Variants in KIF11 observed in about 807,000 individuals in gnomAD.
The protein encoded by KIF11 is kinesin-like protein KIF11.
Under a neutral mutation model 121.0 loss-of-function variants are expected in KIF11, and 9 were observed. That is an observed-to-expected ratio of 0.07 (90% CI 0.04 to 0.13). The LOEUF (loss-of-function observed/expected upper bound fraction) is 0.13. Ranked by LOEUF, KIF11 falls within the 10% of genes least tolerant of loss-of-function variation. The probability of loss-of-function intolerance (pLI) is 1.00; values close to 1 mark genes in which losing one functional copy is unlikely to be tolerated. For missense variants in KIF11, 846 were observed against 1,217.5 expected (o/e 0.69, Z 4.54); for synonymous variants, 408 against 421.0 (o/e 0.97, Z 0.38).
At chr10:92,637,906 A>G (rs1194036123) in intron 16 of KIF11, among the ~76,000 whole-genome samples, 2 of 152,200 alleles carry the variant, frequency 1.3e-5, no homozygotes, top group African/African-American at 2.4e-5. Flanking sequence ...CTAGGATGGC[A>G]TGGATAGTTG....
At chr10:92,641,065 T>C (rs1200540808) in intron 17 of KIF11, among the ~76,000 whole-genome samples, 2 of 152,210 alleles carry the variant, frequency 1.3e-5, no homozygotes, top group East Asian at 3.8e-4. Flanking sequence ...GAGTTTAATG[T>C]TGCTTTGTAG....
chr10:92,644,940 T>A (rs7902436), intron 17 of KIF11, among the ~76,000 whole-genome samples: 22,049 of 152,200 alleles, frequency 0.14, 3,375 homozygotes, highest in African/African-American at 0.38. Flanking sequence ...AAACATAACA[T>A]TTGTAATGTT....
intron 19 of KIF11, 45 bp downstream of exon 19, chr10:92,648,479 A>G (rs1328073828): frequency 8.1e-7 from 1 of 1,239,990 alleles, no homozygotes; most frequent in African/African-American, 1.5e-5. Context: ...TTGAAGTCGA[A>G]TTCAACTCTA....
chr10:92,616,557 A>G (rs1345673660), intron 8 of KIF11, among the ~76,000 whole-genome samples, 180 bp from the exon 9 acceptor site: 1 of 152,148 alleles, frequency 6.6e-6, no homozygotes, highest in Non-Finnish European at 1.5e-5. Flanking sequence ...AAGAGAAGGG[A>G]AAAAAGGATT....
intron 10 of KIF11, among the ~76,000 whole-genome samples, chr10:92,625,049 G>T (rs570514846): frequency 6.6e-6 from 1 of 152,142 alleles, no homozygotes; most frequent in African/African-American, 2.4e-5. Context: ...GATTACAGGT[G>T]TGAGCCACCA....
intron 16 of KIF11, among the ~76,000 whole-genome samples, chr10:92,639,179 C>T (rs777923897): frequency 5.9e-5 from 9 of 152,260 alleles, no homozygotes; most frequent in Non-Finnish European, 7.4e-5. Flanking sequence ...ATATATCTGT[C>T]AAAGTGGGTC....
chr10:92,652,208 T>G (rs1844994588), intron 21 of KIF11, among the ~76,000 whole-genome samples: 1 of 152,080 alleles, frequency 6.6e-6, no homozygotes, highest in Non-Finnish European at 1.5e-5. Context: ...TTGCCTGATC[T>G]TGGCTCACCA....
rs1318501735 is a variant in KIF11, at chr10:92,649,912, C to A, written c.2848C>A (p.Gln950Lys). 12 of 1,612,558 alleles carry A rather than the reference C, an allele frequency of 7.4e-6. No individual in the cohort carries two copies. Among genetic ancestry groups the A allele is most frequent in the Non-Finnish European group, 9.3e-6 (11 of 1,178,788 alleles). The change falls in exon 20 of 22, where the codon CAG becomes AAG. Residue 950 changes from glutamine (Q) to lysine (K), a missense_variant. Gln to Lys is a moderately conservative substitution (Grantham distance 53). Around this residue, in one of 5 missense-constraint regions of KIF11, gnomAD observed 492 missense variants for 603.4 expected, o/e 0.82. Coordinates refer to ENST00000260731, the MANE Select transcript of KIF11 (RefSeq NM_004523.4). The stretch of plus-strand genomic sequence containing the variant: ...TGAACCACGTGAACATCTCCTTGAT[C>A]AGCTGAAAAGGAAACAGCCTGAGCT... ...RTEPREHLLD[Q>K]LKRKQPELLM...
At chr10:92,629,575 C>T (rs1291865193) in intron 11 of KIF11, among the ~76,000 whole-genome samples, 1 of 152,018 alleles carries the variant, frequency 6.6e-6, no homozygotes, top group East Asian at 1.9e-4. Flanking sequence ...AGAGGCCTGA[C>T]CTTTCAGGGC....
intron 20 of KIF11, 93 bp downstream of exon 20, chr10:92,650,079 A>G: frequency 1.1e-6 from 1 of 911,682 alleles, no homozygotes. Flanking sequence ...TTTACCCCTC[A>G]ATCTTACCCC....
Position 92,653,672 on chromosome 10 carries a change from A to G in KIF11, c.3047A>G (p.Lys1016Arg). The change falls in exon 22 of 22, where the codon AAA becomes AGA. Residue 1016 changes from lysine (K) to arginine (R), a missense_variant. Physicochemically the swap from Lys to Arg is conservative, Grantham distance 26 (BLOSUM62 2). Coordinates refer to ENST00000260731, the MANE Select transcript of KIF11 (RefSeq NM_004523.4). Reference protein sequence around the residue: ...IGGVPFFQHKKSHGKDKENRG... With the variant: ...IGGVPFFQHKRSHGKDKENRG... ...CCCGCCTTAAATCCACAGCATAAAA[A>G]ATCACATGGAAAAGACAAAGAAAAC... 6.2e-7 allele frequency: 1 copy of G among 1,611,144 alleles called. No homozygotes were observed. The highest frequency in any genetic ancestry group is 1.1e-5 in the South Asian group (1 of 90,722).
intron 19 of KIF11, among the ~76,000 whole-genome samples, 180 bp from the exon 20 acceptor site, chr10:92,649,654 CA>C (rs1314442535): frequency 6.6e-6 from 1 of 152,116 alleles, no homozygotes; most frequent in African/African-American, 2.4e-5. Flanking sequence ...AGTCTGTCAT[CA>C]AATTAGAAAG....
chr10:92,609,629 T>A lies in KIF11; in HGVS notation c.698+120T>A. 4.8e-6 allele frequency: 4 copies of A among 832,456 alleles called. No individual in the cohort carries two copies. The South Asian group carries it at 8.2e-5, about 17-fold the overall frequency. 51.6% of individuals were successfully genotyped at this position (832,456 alleles called of 1,614,324 possible). A position where few individuals can be genotyped will look rare whatever the true frequency, so the allele number is the denominator to read the frequency against. On this transcript the variant is annotated intron_variant, in intron 6 of 21. Coordinates refer to ENST00000260731, the MANE Select transcript of KIF11 (RefSeq NM_004523.4). ...GGTCACGTACCTAGAGTTTGTGTTATAAGGAGGGGTCATTGGTAATTGGCT... is the reference window on the plus strand; with the variant it reads ...GGTCACGTACCTAGAGTTTGTGTTAAAAGGAGGGGTCATTGGTAATTGGCT...
intron 16 of KIF11, among the ~76,000 whole-genome samples, chr10:92,637,765 C>G (rs1229003031): frequency 1.3e-5 from 2 of 152,142 alleles, no homozygotes; most frequent in Admixed American, 1.3e-4. Flanking sequence ...CATGCAGAAC[C>G]ACAATATGAC....
At chr10:92,600,809 A>G (rs145135873) in intron 1 of KIF11, among the ~76,000 whole-genome samples, 3,164 of 152,128 alleles carry the variant, frequency 0.021, 49 homozygotes, top group Admixed American at 0.052. Flanking sequence ...CAGATTTTCT[A>G]TATAAAAGAT....
At chr10:92,643,997 C>T (rs1844894547) in intron 17 of KIF11, among the ~76,000 whole-genome samples, 1 of 152,100 alleles carries the variant, frequency 6.6e-6, no homozygotes, top group African/African-American at 2.4e-5. Flanking sequence ...AAAGTATGTC[C>T]TACTTTTTAT....
At chr10:92,620,376 G>A (rs143001461) in intron 9 of KIF11, among the ~76,000 whole-genome samples, 69 of 152,174 alleles carry the variant, frequency 4.5e-4, no homozygotes, top group African/African-American at 1.6e-3. Flanking sequence ...CACCGCGTCC[G>A]GCCAGAGGTA....
chr10:92,595,748 A>C (rs1358274017), intron 1 of KIF11, among the ~76,000 whole-genome samples: 1 of 152,052 alleles, frequency 6.6e-6, no homozygotes, highest in Non-Finnish European at 1.5e-5. Flanking sequence ...CTCTCCCATC[A>C]ACCCGACACC....
At chr10:92,599,480 G>C (rs1479098047) in intron 1 of KIF11, among the ~76,000 whole-genome samples, 1 of 148,118 alleles carries the variant, frequency 6.8e-6, no homozygotes, top group Admixed American at 6.7e-5. Flanking sequence ...AGCCAAGATC[G>C]TGCCACTGTA....
Sources: allele counts gnomAD v4.1 joint callset (sites outside exome capture counted in the v4.1 genomes callset), GRCh38; gene constraint gnomAD v4.1.1; regional missense constraint gnomAD v4.1.1; transcripts MANE v1.5; gene names NCBI Gene and HGNC (gene_info 2026-07-23, HGNC 2026-07-21).